Variants in XKR6 observed in about 807,000 individuals in gnomAD.
XKR6 encodes XK related 6, also known as XK-related protein 6.
In XKR6, 22 loss-of-function variants were observed where a neutral mutation model predicts 56.7. That is an observed-to-expected ratio of 0.39 (90% CI 0.28 to 0.55). The LOEUF is 0.55. Among genes scored for constraint, XKR6 ranks in the 20% least tolerant of loss-of-function variants. XKR6 has a pLI of 0.66. For missense variants in XKR6, 852 were observed against 889.0 expected (o/e 0.96, Z 0.53); for synonymous variants, 524 against 387.8 (o/e 1.35, Z -4.13).
chr8:11,037,152 A>C (rs1469083576), intron 1 of XKR6, among the ~76,000 whole-genome samples: 4 of 152,254 alleles, frequency 2.6e-5, no homozygotes, highest in African/African-American at 9.6e-5. Context: ...AACAATTATA[A>C]GTTGAGCTGT....
At chr8:11,139,848 C>T (rs751507289) in intron 1 of XKR6, among the ~76,000 whole-genome samples, 11 of 152,040 alleles carry the variant, frequency 7.2e-5, no homozygotes, top group South Asian at 4.1e-4. Flanking sequence ...AAACTTACTA[C>T]GAGAGAAAGA....
intron 1 of XKR6, among the ~76,000 whole-genome samples, chr8:11,084,298 T>C (rs1252113157): frequency 6.6e-6 from 1 of 152,258 alleles, no homozygotes; most frequent in African/African-American, 2.4e-5. Context: ...CTCCCGGTAA[T>C]TCTGAGCAAT....
At chr8:10,987,312 C>A (rs905880017) in intron 1 of XKR6, among the ~76,000 whole-genome samples, 1 of 152,160 alleles carries the variant, frequency 6.6e-6, no homozygotes. Context: ...CACTCAAAAC[C>A]TCTCAATAGT....
chr8:11,110,435 A>G (rs1798845431), intron 1 of XKR6, among the ~76,000 whole-genome samples: 1 of 152,202 alleles, frequency 6.6e-6, no homozygotes, highest in South Asian at 2.1e-4. Flanking sequence ...TCTGCTATAC[A>G]CTAGTTTCGG....
At chr8:11,100,808 G>C (rs940243564) in intron 1 of XKR6, among the ~76,000 whole-genome samples, 8 of 152,216 alleles carry the variant, frequency 5.3e-5, no homozygotes, top group Non-Finnish European at 7.3e-5. Flanking sequence ...GCTATGATTT[G>C]TCCCAATCAT....
At chr8:11,177,956 A>G (rs1011595105) in intron 1 of XKR6, among the ~76,000 whole-genome samples, 2 of 152,204 alleles carry the variant, frequency 1.3e-5, no homozygotes, top group Non-Finnish European at 2.9e-5. Flanking sequence ...TGACATGGAA[A>G]GCCTGAAGTC....
At chr8:10,991,402 C>G (rs1158673515) in intron 1 of XKR6, among the ~76,000 whole-genome samples, 1 of 152,154 alleles carries the variant, frequency 6.6e-6, no homozygotes, top group African/African-American at 2.4e-5. Flanking sequence ...TTAGCTCTTC[C>G]TTGCTTACTT....
At position 11,178,551 on chromosome 8, in the gene XKR6, T is replaced by TATATATATATAC. The variant is rs1372638259; in HGVS notation, c.764+22024_764+22025insGTATATATATAT. ...TCCAAACATCTGAGAGGTAAAAATA[T>TATATATATATAC]ATATATATATATATATATATATGTA... On this transcript the variant is annotated intron_variant, in intron 1 of 2. Transcript: ENST00000416569. Among the ~76,000 whole-genome samples, 151 of 116,300 alleles carry TATATATATATAC rather than the reference T, an allele frequency of 1.3e-3. 1 individual carries two copies. The highest frequency in any genetic ancestry group is 8.1e-3 in the African/African-American group (145 of 17,828). The allele number at this position is 116,300 out of a possible 152,430, so 76.3% of individuals were successfully genotyped here. A position where few individuals can be genotyped will look rare whatever the true frequency, so the allele number is the denominator to read the frequency against.
At chr8:10,930,859 A>G (rs920268285) in intron 1 of XKR6, among the ~76,000 whole-genome samples, 2 of 152,246 alleles carry the variant, frequency 1.3e-5, no homozygotes, top group African/African-American at 4.8e-5. Context: ...TTGTCTTAAG[A>G]TCAAGAACAG....
chr8:11,008,016 A>AGCAGGC (rs1239459010), intron 1 of XKR6, among the ~76,000 whole-genome samples: 2 of 152,176 alleles, frequency 1.3e-5, no homozygotes, highest in African/African-American at 4.8e-5. Flanking sequence ...AAGACAGGGA[A>AGCAGGC]GCAGGCGTTT....
At chr8:11,119,373 TC>T (rs921598891) in intron 1 of XKR6, among the ~76,000 whole-genome samples, 1 of 152,222 alleles carries the variant, frequency 6.6e-6, no homozygotes, top group Non-Finnish European at 1.5e-5. Flanking sequence ...TTGTTAACTT[TC>T]TGTCTCGTTG....
chr8:11,046,471 C>T (rs557186051), intron 1 of XKR6, among the ~76,000 whole-genome samples: 100 of 152,056 alleles, frequency 6.6e-4, no homozygotes, highest in Non-Finnish European at 1.2e-3. Context: ...ATATTTGTAC[C>T]CTTTATATGA....
At chr8:11,119,171 A>G (rs1799325253) in intron 1 of XKR6, among the ~76,000 whole-genome samples, 1 of 152,088 alleles carries the variant, frequency 6.6e-6, no homozygotes. Flanking sequence ...GTGGTCTGAG[A>G]GACAGTTTGT....
chr8:10,920,237 G>C (rs1370682483), intron 2 of XKR6, among the ~76,000 whole-genome samples: 2 of 152,080 alleles, frequency 1.3e-5, no homozygotes, highest in Non-Finnish European at 2.9e-5. Flanking sequence ...AAGCCTGAAG[G>C]CGAATTCAGA....
chr8:10,996,025 C>A (rs1369300863), intron 1 of XKR6, among the ~76,000 whole-genome samples: 1 of 152,186 alleles, frequency 6.6e-6, no homozygotes, highest in Admixed American at 6.5e-5. Context: ...CTCTCTATAA[C>A]GCCTTTCACA....
At chr8:10,915,658 T>G (rs1800542612) in intron 2 of XKR6, among the ~76,000 whole-genome samples, 1 of 152,148 alleles carries the variant, frequency 6.6e-6, no homozygotes. Context: ...CAAACTCCAT[T>G]TAACAGGGTA....
chr8:11,051,577 T>G (rs1484413039), intron 1 of XKR6, among the ~76,000 whole-genome samples: 4 of 152,152 alleles, frequency 2.6e-5, no homozygotes, highest in Non-Finnish European at 1.5e-5. Flanking sequence ...TTGGCTCCTC[T>G]TTTCCTCACG....
chr8:11,036,963 G>A (rs117817403), intron 1 of XKR6, among the ~76,000 whole-genome samples: 8,381 of 152,282 alleles, frequency 0.055, 327 homozygotes, highest in South Asian at 0.1. Flanking sequence ...GCTCTCCCCT[G>A]CTTGAGAAGC....
At chr8:11,120,601 G>A (rs1219582316) in intron 1 of XKR6, among the ~76,000 whole-genome samples, 1 of 152,042 alleles carries the variant, frequency 6.6e-6, no homozygotes, top group Non-Finnish European at 1.5e-5. Context: ...CGTGAAAATG[G>A]CCATACTGCC....
Sources: gnomAD v4.1 joint callset for allele counts (sites outside exome capture counted in the v4.1 genomes callset) on GRCh38, gnomAD v4.1.1 for gene constraint, MANE v1.5 for transcripts, NCBI Gene and HGNC (gene_info 2026-07-23, HGNC 2026-07-21) for gene names.